The following RIPK2 variants were observed in gnomAD, a reference collection of about 807,000 sequenced individuals.
RIPK2 encodes the protein receptor interacting serine/threonine kinase 2.
In RIPK2, 38 loss-of-function variants were observed where a neutral mutation model predicts 60.9. The observed-to-expected ratio is 0.62, with a 90% CI of 0.48 to 0.82. The LOEUF (loss-of-function observed/expected upper bound fraction) is 0.82, where lower values mean the gene tolerates loss of function less well. RIPK2 is among the 40% of genes least tolerant of loss of function. The probability of loss-of-function intolerance (pLI) is 0.00; values close to 1 mark genes in which losing one functional copy is unlikely to be tolerated. For synonymous variants in RIPK2, 225 were observed against 223.4 expected (o/e 1.01, Z -0.06); for missense variants, 518 against 647.0 (o/e 0.80, Z 2.16).
intron 7 of RIPK2, among the ~76,000 whole-genome samples, chr8:89,782,386 C>T (rs766031009): frequency 1.8e-4 from 27 of 152,046 alleles, no homozygotes; most frequent in Non-Finnish European, 2.5e-4. Context: ...ATGGAAACTG[C>T]GGAAAGTGAA....
chr8:89,789,340 T>C lies in RIPK2; in HGVS notation c.1143T>C (p.Tyr381=), dbSNP rs1017758962. The C allele has an allele frequency of 1.2e-6, 2 of 1,613,960 alleles. No individual in the cohort carries two copies. The highest frequency in any genetic ancestry group is 4.5e-5 in the East Asian group (2 of 44,872). Residue 381 remains tyrosine (Y), a synonymous_variant, in exon 10 of 11, where the codon TAT becomes TAC. Transcript: ENST00000220751. The part of the protein sequence containing the change: ...DFLSRKAQDC[Y]FMKLHHCPGN... The stretch of plus-strand genomic sequence containing the variant: ...TTGTAGGAAAAGCTCAAGACTGTTA[T>C]TTTATGAAGCTGCATCACTGTCCTG...
At chr8:89,787,968 G>T (rs1373742702) in intron 9 of RIPK2, among the ~76,000 whole-genome samples, 1 of 152,048 alleles carries the variant, frequency 6.6e-6, no homozygotes, top group Non-Finnish European at 1.5e-5. Flanking sequence ...TTAGAGGAGC[G>T]ATGAGAGAAA....
At chr8:89,778,806 A>C (rs1443196864) in intron 6 of RIPK2, among the ~76,000 whole-genome samples, 1 of 152,000 alleles carries the variant, frequency 6.6e-6, no homozygotes, top group Non-Finnish European at 1.5e-5. Flanking sequence ...ATATGTTTTC[A>C]TTTCTCTTGG....
Position 89,762,942 on chromosome 8 carries a change from A to C in RIPK2, c.287A>C (p.Glu96Ala). Reference sequence around the variant, plus strand: ...CCTGAATTTTTGGGAATAGTTACTGAATACATGCCAAATGGATCATTAAAT... The same window carrying C: ...CCTGAATTTTTGGGAATAGTTACTGCATACATGCCAAATGGATCATTAAAT... ...NEPEFLGIVTEYMPNGSLNEL... is the reference protein window; with the variant it reads ...NEPEFLGIVTAYMPNGSLNEL... Residue 96 changes from glutamate to alanine, a missense_variant, in exon 2 of 11, where the codon GAA becomes GCA. Glu to Ala is a moderately radical substitution (Grantham distance 107). Coordinates refer to ENST00000220751, the MANE Select transcript of RIPK2 (RefSeq NM_003821.6). The C allele has an allele frequency of 6.5e-7, 1 of 1,534,676 alleles. No individual in the cohort carries two copies. Among genetic ancestry groups the C allele is most frequent in the Non-Finnish European group, 8.8e-7 (1 of 1,133,630 alleles).
At chr8:89,781,517 G>A (rs937621169) in intron 7 of RIPK2, among the ~76,000 whole-genome samples, 1 of 151,884 alleles carries the variant, frequency 6.6e-6, no homozygotes, top group South Asian at 2.1e-4. Flanking sequence ...ACAGGCGTGG[G>A]CTACCACACT....
At chr8:89,762,733 AG>A (rs922189512) in intron 1 of RIPK2, 95 bp from the exon 2 acceptor site, 10 of 586,006 alleles carry the variant, frequency 1.7e-5, no homozygotes, top group South Asian at 9.3e-5. Flanking sequence ...GAGGTCACAT[AG>A]CTAATTAATG....
chr8:89,760,772 T>G (rs1401397016), intron 1 of RIPK2, among the ~76,000 whole-genome samples: 4 of 152,220 alleles, frequency 2.6e-5, no homozygotes, highest in Non-Finnish European at 1.5e-5. Flanking sequence ...ATAAAGTGAC[T>G]GACATGTAAT....
Position 89,771,725 on chromosome 8 carries a change from T to C in RIPK2, c.642-16T>C, listed in dbSNP as rs749974364. Reference sequence around the variant, plus strand: ...TCATTTAAAATATGTAACATGTATGTTCTTATGTTAAACAGCTATGCAGTT... The same window carrying C: ...TCATTTAAAATATGTAACATGTATGCTCTTATGTTAAACAGCTATGCAGTT... On this transcript the variant is annotated splice_polypyrimidine_tract_variant and intron_variant, in intron 4 of 10. Transcript: ENST00000220751. 7.7e-6 allele frequency: 12 copies of C among 1,565,752 alleles called. No homozygotes were observed. The highest frequency in any genetic ancestry group is 2.6e-6 in the Non-Finnish European group (3 of 1,142,324).
chr8:89,769,685 TA>T, intron 3 of RIPK2, 86 bp from the exon 4 acceptor site: 1 of 844,852 alleles, frequency 1.2e-6, no homozygotes, highest in Non-Finnish European at 1.8e-6. Flanking sequence ...GTTTGATATC[TA>T]AATACAGTGA....
At chr8:89,766,617 CA>C (rs1809233223) in intron 3 of RIPK2, among the ~76,000 whole-genome samples, 1 of 151,122 alleles carries the variant, frequency 6.6e-6, no homozygotes, top group African/African-American at 2.4e-5. Context: ...ATCCTTTTAA[CA>C]GGGACTTTCA....
At chr8:89,789,713 A>G (rs554098239) in intron 10 of RIPK2, among the ~76,000 whole-genome samples, 27 of 152,354 alleles carry the variant, frequency 1.8e-4, no homozygotes, top group African/African-American at 5.8e-4. Flanking sequence ...TTAACATATT[A>G]CTAATGGTAA....
In RIPK2 at chr8:89,790,264, C is replaced by G. The variant is rs991515129; in HGVS notation, c.1471C>G (p.Leu491Val). The change falls in exon 11 of 11, where the codon CTA (leucine) becomes GTA (valine). Residue 491 changes from leucine (L) to valine (V), a missense_variant. Transcript: ENST00000220751. Reference sequence around the variant, plus strand: ...AAGGACCTCAAAAGTCAGACAATTACTAGACACTACTGACATCCAAGGAGA... The same window carrying G: ...AAGGACCTCAAAAGTCAGACAATTAGTAGACACTACTGACATCCAAGGAGA... ...PTRTSKVRQL[L>V]DTTDIQGEEF... 1.2e-6 allele frequency: 2 copies of G among 1,613,996 alleles called. No individual in the cohort carries two copies. Among genetic ancestry groups the G allele is most frequent in the South Asian group, 1.1e-5 (1 of 91,088 alleles).
intron 2 of RIPK2, among the ~76,000 whole-genome samples, chr8:89,764,041 G>GA (rs1041004699): frequency 2.8e-4 from 42 of 151,724 alleles, no homozygotes; most frequent in Admixed American, 7.2e-4. Context: ...CTAACTCCTG[G>GA]AAAAAAAATC....
chr8:89,787,511 G>A (rs1293567905), intron 9 of RIPK2, among the ~76,000 whole-genome samples: 1 of 152,192 alleles, frequency 6.6e-6, no homozygotes, highest in Non-Finnish European at 1.5e-5. Flanking sequence ...GGCTGGATCT[G>A]TAATTACAAA....
chr8:89,785,522 T>C (rs1809571940), intron 8 of RIPK2, among the ~76,000 whole-genome samples: 1 of 152,136 alleles, frequency 6.6e-6, no homozygotes, highest in African/African-American at 2.4e-5. Flanking sequence ...GTGTATAAGG[T>C]GTATATGAAA....
chr8:89,759,297 G>C (rs983373359), intron 1 of RIPK2: 8 of 456,172 alleles, frequency 1.8e-5, no homozygotes, highest in African/African-American at 1.0e-4. Context: ...TGGGTCACTA[G>C]TCTTGTGTAT....
chr8:89,764,575 TG>T (rs1254949086), intron 2 of RIPK2, among the ~76,000 whole-genome samples: 1 of 152,198 alleles, frequency 6.6e-6, no homozygotes, highest in African/African-American at 2.4e-5. Context: ...TTCATTCTCC[TG>T]GGAAGCCACA....
At chr8:89,776,825 G>A (rs1197334886) in intron 6 of RIPK2, among the ~76,000 whole-genome samples, 1 of 152,088 alleles carries the variant, frequency 6.6e-6, no homozygotes, top group South Asian at 2.1e-4. Flanking sequence ...GAGTAACTGG[G>A]GCCAATTTAC....
At chr8:89,785,586 T>C (rs1809573171) in intron 8 of RIPK2, among the ~76,000 whole-genome samples, 1 of 152,154 alleles carries the variant, frequency 6.6e-6, no homozygotes, top group South Asian at 2.1e-4. Context: ...TATCTCGTTA[T>C]ATATATACAA....
Sources: allele counts gnomAD v4.1 joint callset (sites outside exome capture counted in the v4.1 genomes callset), GRCh38; gene constraint gnomAD v4.1.1; transcripts MANE v1.5; gene names NCBI Gene and HGNC (gene_info 2026-07-23, HGNC 2026-07-21).